The following PDE3B variants were observed in gnomAD, a reference collection of about 807,000 sequenced individuals.
PDE3B encodes phosphodiesterase 3B, also known as cGMP-inhibited 3',5'-cyclic phosphodiesterase 3B.
Under a neutral mutation model 116.8 loss-of-function variants are expected in PDE3B, and 66 were observed. The observed-to-expected ratio is 0.56, with a 90% CI of 0.46 to 0.69. The LOEUF is 0.69. Ranked by LOEUF, PDE3B falls within the 30% of genes least tolerant of loss-of-function variation. The pLI, the probability that PDE3B is intolerant of heterozygous loss-of-function variation, is 0.00. For missense variants in PDE3B, 1,384 were observed against 1,368.1 expected (o/e 1.01, Z -0.18); for synonymous variants, 595 against 533.6 (o/e 1.12, Z -1.59).
intron 5 of PDE3B, among the ~76,000 whole-genome samples, chr11:14,815,938 TAC>T (rs35596025): frequency 0.032 from 4,683 of 145,900 alleles, 80 homozygotes; most frequent in Admixed American, 0.047. Context: ...ATTATATTTA[TAC>T]ACACACACAC....
intron 12 of PDE3B, among the ~76,000 whole-genome samples, chr11:14,852,386 C>T (rs1380625431): frequency 6.6e-6 from 1 of 152,082 alleles, no homozygotes; most frequent in Non-Finnish European, 1.5e-5. Context: ...CTTTCATTTT[C>T]GTAAAGTATA....
chr11:14,686,657 C>T (rs920087729), intron 1 of PDE3B, among the ~76,000 whole-genome samples: 9 of 152,068 alleles, frequency 5.9e-5, no homozygotes, highest in African/African-American at 1.4e-4. Context: ...ATCTATTTAA[C>T]TTAAAAATAA....
chr11:14,891,695 AG>A, the PDE3B span: 5 of 1,198,968 alleles, frequency 4.2e-6, no homozygotes, highest in East Asian at 2.4e-4. Context: ...GCGCAGGCGC[AG>A]GAGCAAGAGC....
chr11:14,685,257 C>T (rs540856727), intron 1 of PDE3B, among the ~76,000 whole-genome samples: 4 of 152,066 alleles, frequency 2.6e-5, no homozygotes, highest in South Asian at 4.2e-4. Context: ...CAGCTCCAGC[C>T]GGTCCCTCCG....
rs758613851 is a variant in PDE3B, at chr11:14,644,943, C to G, written c.868C>G (p.Arg290Gly). 2 of 1,614,060 alleles carry G rather than the reference C, an allele frequency of 1.2e-6. No homozygotes were observed. Residue 290 changes from arginine to glycine, a missense_variant, in exon 1 of 16, where the codon CGA becomes GGA. Arg to Gly is a moderately radical substitution (Grantham distance 125, BLOSUM62 -2). Transcript: ENST00000282096. The part of the protein sequence containing the change: ...SAAEEKVPVI[R>G]PRRRSSCVSL... ...CGCCGAAGAAAAAGTGCCTGTGATC[C>G]GACCCCGGAGGAGGTCCAGCTGCGT...
At chr11:14,697,752 T>G (rs550297314) in intron 1 of PDE3B, among the ~76,000 whole-genome samples, 1 of 152,156 alleles carries the variant, frequency 6.6e-6, no homozygotes, top group African/African-American at 2.4e-5. Context: ...TTAAAATTTT[T>G]TTCTCAATTT....
intron 1 of PDE3B, among the ~76,000 whole-genome samples, chr11:14,756,413 G>A (rs1590118228): frequency 6.6e-6 from 1 of 152,044 alleles, no homozygotes; most frequent in East Asian, 1.9e-4. Flanking sequence ...CTATAGGAGA[G>A]GCCCCTCAAG....
intron 1 of PDE3B, among the ~76,000 whole-genome samples, chr11:14,718,616 C>T (rs778361333): frequency 1.3e-5 from 2 of 150,054 alleles, no homozygotes; most frequent in Admixed American, 6.6e-5. Context: ...GATTAAGAAT[C>T]TCACTCAAAA....
chr11:14,840,732 C>T (rs1860195550), intron 11 of PDE3B, among the ~76,000 whole-genome samples: 1 of 152,138 alleles, frequency 6.6e-6, no homozygotes. Context: ...TTCCAGTGAG[C>T]AGGTCAAGCG....
the PDE3B span, chr11:14,891,954 C>T: frequency 6.2e-7 from 1 of 1,608,742 alleles, no homozygotes; most frequent in South Asian, 1.1e-5. Context: ...GGCGGCCCTC[C>T]CTGCCCGGGG....
chr11:14,647,199 G>A (rs1170313549), intron 1 of PDE3B, among the ~76,000 whole-genome samples: 1 of 151,974 alleles, frequency 6.6e-6, no homozygotes, highest in African/African-American at 2.4e-5. Context: ...TGTTGTATAT[G>A]ACAATGGTAA....
At chr11:14,892,220 G>C in the PDE3B span, 2 of 1,606,870 alleles carry the variant, frequency 1.2e-6, no homozygotes, top group Non-Finnish European at 8.5e-7. Context: ...CCGAGCTGGA[G>C]GTGCGAACTC....
intron 1 of PDE3B, among the ~76,000 whole-genome samples, chr11:14,713,660 A>G (rs1035215549): frequency 2.0e-5 from 3 of 151,636 alleles, no homozygotes; most frequent in African/African-American, 4.9e-5. Context: ...AGCCTCCACA[A>G]TCATGTGAAC....
intron 1 of PDE3B, among the ~76,000 whole-genome samples, chr11:14,766,356 T>C (rs934873411): frequency 1.3e-5 from 2 of 151,704 alleles, no homozygotes; most frequent in African/African-American, 2.4e-5. Flanking sequence ...AGGTTAAACA[T>C]GGACTCCAGA....
chr11:14,774,242 G>A (rs1857722329), intron 2 of PDE3B: 1 of 152,152 alleles, frequency 6.6e-6, no homozygotes, highest in Admixed American at 6.6e-5. Context: ...AGAAGAGTTG[G>A]TCTGATACAA....
intron 2 of PDE3B, among the ~76,000 whole-genome samples, chr11:14,782,558 T>G (rs909250041): frequency 6.6e-6 from 1 of 152,212 alleles, no homozygotes; most frequent in African/African-American, 2.4e-5. Context: ...GCTAGCCATA[T>G]GTAGAAAGCT....
At chr11:14,897,829 C>T in the PDE3B span, among the ~76,000 whole-genome samples, 1 of 152,100 alleles carries the variant, frequency 6.6e-6, no homozygotes, top group Non-Finnish European at 1.5e-5. Context: ...GTTGCAGAGC[C>T]TTATCCAAAT....
chr11:14,865,918 C>T (rs1188761835), intron 14 of PDE3B, among the ~76,000 whole-genome samples: 4 of 152,006 alleles, frequency 2.6e-5, no homozygotes, highest in African/African-American at 4.8e-5. Flanking sequence ...ATTTAGGTCC[C>T]GCATATCATT....
At chr11:14,660,000 TC>T (rs1371251055) in intron 1 of PDE3B, among the ~76,000 whole-genome samples, 1 of 152,196 alleles carries the variant, frequency 6.6e-6, no homozygotes, top group Admixed American at 6.5e-5. Flanking sequence ...CCCAAATAGT[TC>T]ACCCACACAT....
Sources: gnomAD v4.1 joint callset for allele counts (sites outside exome capture counted in the v4.1 genomes callset) on GRCh38, gnomAD v4.1.1 for gene constraint, MANE v1.5 for transcripts, NCBI Gene and HGNC (gene_info 2026-07-23, HGNC 2026-07-21) for gene names.